Variants in SLC15A5 observed in about 807,000 individuals in gnomAD.
The protein encoded by SLC15A5 is Peptide/histidine transporter ENSP00000340402.
Under a neutral mutation model 56.1 loss-of-function variants are expected in SLC15A5, and 58 were observed. That is an observed-to-expected ratio of 1.03 (90% CI 0.84 to 1.29). SLC15A5 has a LOEUF of 1.29. Among genes scored for constraint, SLC15A5 ranks in the 50% most tolerant of loss-of-function variants. The pLI is 0.00. For missense variants in SLC15A5, 681 were observed against 672.1 expected, an observed-to-expected ratio of 1.01 and a Z score of -0.15; for synonymous variants, 264 against 250.5, an observed-to-expected ratio of 1.05 and a Z score of -0.51.
rs747454400 is a variant in SLC15A5, at chr12:16,243,325, C to T, written c.975+1255G>A. On this transcript the variant is annotated intron_variant, in intron 4 of 8. Transcript: ENST00000344941. The surrounding 1 kb of genome is among the most constrained non-coding windows in gnomAD (Gnocchi z 4.4). Reference sequence around the variant, plus strand: ...TCCTGGGTTCAAGCGATTCTCCAGCCTCAGCCTCCCAAGCAGCTCGGATTA... The same window carrying T: ...TCCTGGGTTCAAGCGATTCTCCAGCTTCAGCCTCCCAAGCAGCTCGGATTA... Among the ~76,000 whole-genome samples the T allele has an allele frequency of 7.9e-5, 12 of 151,592 alleles. No individual in the cohort carries two copies. The highest frequency in any genetic ancestry group is 1.5e-4 in the Non-Finnish European group (10 of 67,986).
intron 3 of SLC15A5, among the ~76,000 whole-genome samples, chr12:16,251,610 G>A (rs1231859492): frequency 6.6e-6 from 1 of 151,660 alleles, no homozygotes; most frequent in Admixed American, 6.6e-5. Context: ...AACCTACTAA[G>A]ACTGAATCAT....
chr12:16,256,470 C>T (rs1043640768), intron 3 of SLC15A5, among the ~76,000 whole-genome samples: 31 of 152,198 alleles, frequency 2.0e-4, no homozygotes, highest in Non-Finnish European at 3.1e-4. Context: ...AGAAAATTTA[C>T]GGGAAATACA....
rs1158859443 is a variant in SLC15A5, at chr12:16,243,776, T to C, written c.975+804A>G. 1.3e-5 allele frequency among the ~76,000 whole-genome samples: 2 copies of C among 152,152 alleles called. No individual in the cohort carries two copies. Among genetic ancestry groups the C allele is most frequent in the Non-Finnish European group, 2.9e-5 (2 of 68,022 alleles). ...TACCAAAAGAAAGTCACTTAATTTT[T>C]CTGAGCCTAAGGTTCCTGTTTAACA... On this transcript the variant is annotated intron_variant, in intron 4 of 8. Transcript: ENST00000344941. This position sits in a 1 kb window ranked among gnomAD's most constrained non-coding sequence, Gnocchi z 4.4.
intron 2 of SLC15A5, among the ~76,000 whole-genome samples, chr12:16,261,169 C>T (rs961330369): frequency 6.6e-6 from 1 of 152,134 alleles, no homozygotes; most frequent in Admixed American, 6.5e-5. Context: ...TTACGACATT[C>T]AAGATAACAA....
At chr12:16,244,484 G>T (rs997838752) in intron 4 of SLC15A5, 96 bp downstream of exon 4, 2 of 1,126,224 alleles carry the variant, frequency 1.8e-6, no homozygotes, top group Admixed American at 2.0e-5. Context: ...GACATATATG[G>T]AAAGCGCTCG....
chr12:16,216,879 G>A lies in SLC15A5; in HGVS notation c.1483+14C>T, dbSNP rs368202462. On this transcript the variant is annotated intron_variant, in intron 7 of 8. Transcript: ENST00000344941. Reference sequence around the variant, plus strand: ...AACTCAATGTATATAAGCATGCCACGAACCTATTTTTACCATCTGAGATGA... The same window carrying A: ...AACTCAATGTATATAAGCATGCCACAAACCTATTTTTACCATCTGAGATGA... The A allele has an allele frequency of 1.0e-4, 155 of 1,532,826 alleles. No homozygotes were observed. The highest frequency in any genetic ancestry group is 1.2e-4 in the Non-Finnish European group (143 of 1,145,096). The allele number at this position is 1,532,826 out of a possible 1,614,324, so 95.0% of individuals were successfully genotyped here. A position where few individuals can be genotyped will look rare whatever the true frequency, so the allele number is the denominator to read the frequency against.
chr12:16,277,459 T>G lies in SLC15A5; in HGVS notation c.227A>C (p.Asn76Thr). The G allele has an allele frequency of 2.4e-5, 37 of 1,536,536 alleles. No individual in the cohort carries two copies. The highest frequency in any genetic ancestry group is 3.2e-5 in the Non-Finnish European group (37 of 1,146,442). The change falls in exon 1 of 9, where the codon AAT becomes ACT. Residue 76 changes from asparagine to threonine, a missense_variant. Coordinates refer to ENST00000344941, the MANE Select transcript of SLC15A5 (RefSeq NM_001170798.1). ...PFCTIKLGYH[N>T]CQAAILNLCF... ...CAAGTTTAAGATGGCTGCTTGGCAA[T>G]TGTGATAGCCAAGCTTGATAGTGCA... is the stretch of plus-strand genomic sequence containing the variant.
chr12:16,235,872 A>C lies in SLC15A5; in HGVS notation c.1162+3809T>G, dbSNP rs1864347852. Among the ~76,000 whole-genome samples, 1 of 152,190 alleles carries C rather than the reference A, an allele frequency of 6.6e-6. No homozygotes were observed. Among genetic ancestry groups the C allele is most frequent in the Non-Finnish European group, 1.5e-5 (1 of 68,000 alleles). The stretch of plus-strand genomic sequence containing the variant: ...AAAGAACTTTATACAACTGCAAGTT[A>C]TTAGAACTAGTTGAGGTTACTGGTT... On this transcript the variant is annotated intron_variant, in intron 5 of 8. Transcript: ENST00000344941. The surrounding 1 kb of genome is among the most constrained non-coding windows in gnomAD (Gnocchi z 4.1).
At chr12:16,190,038 G>T (rs967337307) in intron 8 of SLC15A5, among the ~76,000 whole-genome samples, 1 of 152,140 alleles carries the variant, frequency 6.6e-6, no homozygotes, top group East Asian at 1.9e-4. Flanking sequence ...TTTAGGTGGC[G>T]CTTTTTAACA....
rs1039260618 is a variant in SLC15A5 at position 16,239,796 on chromosome 12, T to G, written c.1047A>C (p.Ala349=). Reference sequence around the variant, plus strand: ...GTAGGCTGCTGATGGCATTCATTACTGCAATCGGCAGAAGAAATCCATCCA... The same window carrying G: ...GTAGGCTGCTGATGGCATTCATTACGGCAATCGGCAGAAGAAATCCATCCA... ...LNLDGFLLPI[A]VMNAISSLPL... is the part of the protein sequence containing the mutation. The change falls in exon 5 of 9, where the codon GCA becomes GCC. Residue 349 remains alanine (A), a synonymous_variant. Transcript: ENST00000344941. 1 of 1,537,178 alleles carries G rather than the reference T, an allele frequency of 6.5e-7. No homozygotes were observed. Among genetic ancestry groups the G allele is most frequent in the African/African-American group, 1.4e-5 (1 of 73,066 alleles).
At chr12:16,226,132 G>A (rs921518584) in intron 5 of SLC15A5, among the ~76,000 whole-genome samples, 6 of 152,080 alleles carry the variant, frequency 3.9e-5, no homozygotes, top group Admixed American at 2.6e-4. Context: ...TATGTAAAAC[G>A]GCTTTGTATT....
At chr12:16,208,098 A>AT (rs1373989773) in intron 7 of SLC15A5, among the ~76,000 whole-genome samples, 1 of 109,234 alleles carries the variant, frequency 9.2e-6, no homozygotes, top group Non-Finnish European at 2.0e-5. Flanking sequence ...ATTAAAAAAC[A>AT]TGGGGGGTGC....
At chr12:16,234,716 T>C (rs1864330346) in intron 5 of SLC15A5, among the ~76,000 whole-genome samples, 1 of 152,182 alleles carries the variant, frequency 6.6e-6, no homozygotes, top group Non-Finnish European at 1.5e-5. Flanking sequence ...TTTATGCTAT[T>C]ATTGAACCAT....
chr12:16,240,066 A>G (rs998211928), intron 4 of SLC15A5, among the ~76,000 whole-genome samples, 199 bp from the exon 5 acceptor site: 1 of 152,194 alleles, frequency 6.6e-6, no homozygotes, highest in South Asian at 2.1e-4. Flanking sequence ...TCTATTGACA[A>G]TAGTACTCAT....
At chr12:16,202,413 C>G (rs578199266) in intron 7 of SLC15A5, among the ~76,000 whole-genome samples, 6 of 152,112 alleles carry the variant, frequency 3.9e-5, no homozygotes, top group Non-Finnish European at 8.8e-5. Flanking sequence ...CACTTCACAC[C>G]AGTGAGAACG....
At chr12:16,242,928 T>G (rs1392671753) in intron 4 of SLC15A5, among the ~76,000 whole-genome samples, 2 of 152,206 alleles carry the variant, frequency 1.3e-5, no homozygotes, top group East Asian at 3.9e-4. Flanking sequence ...TTCTGCTGTA[T>G]TCTGTTTTTG....
chr12:16,189,660 A>T lies in SLC15A5; in HGVS notation c.*8T>A, dbSNP rs895090727. ...GTTCTCATAAGACAGGTAGACTCAA[A>T]CACAGTTTCATAGGGCTGTCTCCCA... On this transcript the variant is annotated 3_prime_UTR_variant, in exon 9 of 9. Coordinates refer to ENST00000344941, the MANE Select transcript of SLC15A5 (RefSeq NM_001170798.1). 1 of 1,485,212 alleles carries T rather than the reference A, an allele frequency of 6.7e-7. No homozygotes were observed. Among genetic ancestry groups the T allele is most frequent in the Non-Finnish European group, 8.9e-7 (1 of 1,123,242 alleles). 92.0% of individuals were successfully genotyped at this position (1,485,212 alleles called of 1,614,324 possible).
At chr12:16,275,405 A>T in intron 1 of SLC15A5, among the ~76,000 whole-genome samples, 1 of 152,014 alleles carries the variant, frequency 6.6e-6, no homozygotes, top group Admixed American at 6.6e-5. Context: ...TAAATTAATA[A>T]GTTTGGATTT....
intron 7 of SLC15A5, among the ~76,000 whole-genome samples, chr12:16,213,097 T>C (rs1290774528): frequency 1.3e-5 from 2 of 152,150 alleles, no homozygotes; most frequent in Non-Finnish European, 2.9e-5. Flanking sequence ...GTACCCATAT[T>C]ATGTTTGATT....
Sources: gnomAD v4.1 joint callset for allele counts (sites outside exome capture counted in the v4.1 genomes callset) on GRCh38, gnomAD v4.1.1 for gene constraint, Gnocchi (gnomAD v3.1) non-coding constraint, MANE v1.5 for transcripts, NCBI Gene and HGNC (gene_info 2026-07-23, HGNC 2026-07-21) for gene names.